The following LDAH variants were observed in gnomAD, a reference collection of about 807,000 sequenced individuals.
LDAH encodes the protein lipid droplet-associated hydrolase.
In LDAH, 26 loss-of-function variants were observed where a neutral mutation model predicts 29.6. The observed-to-expected ratio is 0.88, with a 90% CI of 0.64 to 1.22. LDAH has a LOEUF of 1.22. LDAH is among the 50% of genes most tolerant of loss of function. The probability of loss-of-function intolerance (pLI) is 0.00; values close to 1 mark genes in which losing one functional copy is unlikely to be tolerated. For synonymous variants in LDAH, 117 were observed against 133.0 expected, an observed-to-expected ratio of 0.88 and a Z score of 0.83; for missense variants, 344 against 387.3, an observed-to-expected ratio of 0.89 and a Z score of 0.94.
intron 1 of LDAH, among the ~76,000 whole-genome samples, chr2:20,811,571 GCC>G (rs1376144993): frequency 1.1e-4 from 17 of 151,182 alleles, no homozygotes; most frequent in Non-Finnish European, 1.5e-5. Context: ...AGCAAGCTCT[GCC>G]CCCGGGGTTC....
At chr2:20,711,380 G>A (rs1283936903) in intron 5 of LDAH, among the ~76,000 whole-genome samples, 5 of 147,614 alleles carry the variant, frequency 3.4e-5, no homozygotes, top group South Asian at 2.1e-4. Flanking sequence ...GCGAGAGTCC[G>A]TATCAAAAAA....
At chr2:20,710,996 T>C (rs558497336) in intron 5 of LDAH, among the ~76,000 whole-genome samples, 2 of 152,082 alleles carry the variant, frequency 1.3e-5, no homozygotes, top group African/African-American at 4.8e-5. Context: ...CTGAGTTTTC[T>C]CTGGTTGGTT....
At chr2:20,755,949 T>A (rs1327683748) in intron 4 of LDAH, among the ~76,000 whole-genome samples, 1 of 151,978 alleles carries the variant, frequency 6.6e-6, no homozygotes, top group Non-Finnish European at 1.5e-5. Context: ...TGGATACCTG[T>A]CCAAATTACC....
At chr2:20,777,570 C>T (rs778464275) in intron 3 of LDAH, among the ~76,000 whole-genome samples, 2 of 152,040 alleles carry the variant, frequency 1.3e-5, no homozygotes, top group Non-Finnish European at 2.9e-5. Context: ...AGGCGTGCAC[C>T]ACCAGGCCTG....
rs1662419039 is a variant in LDAH at position 20,684,454 on chromosome 2, G to A, written c.*2449C>T. On this transcript the variant is annotated 3_prime_UTR_variant, in exon 7 of 7. Coordinates refer to ENST00000237822, the MANE Select transcript of LDAH (RefSeq NM_021925.4). ...CGAGGTCTCGTTTTTTGCACGGGCT[G>A]GTCTCAAACTCCTAGCCTCAAACGA... is the stretch of plus-strand genomic sequence containing the variant. 1 of 154,986 alleles carries A rather than the reference G, an allele frequency of 6.5e-6. No individual in the cohort carries two copies. The highest frequency in any genetic ancestry group is 1.4e-5 in the Non-Finnish European group (1 of 70,180). 9.6% of individuals were successfully genotyped at this position (154,986 alleles called of 1,614,324 possible). A position where few individuals can be genotyped will look rare whatever the true frequency, so the allele number is the denominator to read the frequency against.
At chr2:20,804,146 T>C (rs769200101) in intron 1 of LDAH, among the ~76,000 whole-genome samples, 1 of 152,176 alleles carries the variant, frequency 6.6e-6, no homozygotes, top group Non-Finnish European at 1.5e-5. Context: ...TGTCATGTCA[T>C]GCCACACTTT....
chr2:20,788,555 G>C (rs1000583273), intron 3 of LDAH, among the ~76,000 whole-genome samples: 1 of 152,058 alleles, frequency 6.6e-6, no homozygotes, highest in South Asian at 2.1e-4. Flanking sequence ...TAATAACGAA[G>C]ACTATAGATG....
Position 20,684,826 on chromosome 2 carries a change from G to C in LDAH, c.*2077C>G, listed in dbSNP as rs10182643. On this transcript the variant is annotated 3_prime_UTR_variant, in exon 7 of 7. Transcript: ENST00000237822. ...TTGACTGGGACATACAGGCAGAGCT[G>C]CTTCTGGAAAATGGATTTCTTCCAC... 0.24 allele frequency: 371,024 copies of C among 1,527,994 alleles called. 49,116 individuals are homozygous for C. Among genetic ancestry groups the C allele is most frequent in the East Asian group, 0.5 (20,132 of 40,298 alleles). 94.7% of individuals were successfully genotyped at this position (1,527,994 alleles called of 1,614,324 possible). A position where few individuals can be genotyped will look rare whatever the true frequency, so the allele number is the denominator to read the frequency against.
intron 2 of LDAH, among the ~76,000 whole-genome samples, chr2:20,797,302 A>C (rs1671366422): frequency 6.6e-6 from 1 of 152,204 alleles, no homozygotes; most frequent in Admixed American, 6.5e-5. Context: ...CCAAACACTG[A>C]AACTACCACC....
chr2:20,790,515 G>A, intron 2 of LDAH, 117 bp from the exon 3 acceptor site: 2 of 789,954 alleles, frequency 2.5e-6, no homozygotes, highest in South Asian at 3.6e-5. Context: ...ATTCTTCAGA[G>A]TACCCAAGAG....
At chr2:20,745,530 T>C (rs111269016) in intron 4 of LDAH, among the ~76,000 whole-genome samples, 4,538 of 152,286 alleles carry the variant, frequency 0.03, 226 homozygotes, top group African/African-American at 0.1. Context: ...AGTGTTCTTA[T>C]CACAACAAAA....
intron 5 of LDAH, among the ~76,000 whole-genome samples, chr2:20,715,502 T>C (rs1157029543): frequency 6.6e-6 from 1 of 152,152 alleles, no homozygotes; most frequent in East Asian, 1.9e-4. Context: ...ACCACACCTA[T>C]TTAACATAGT....
rs1446061658 is a variant in LDAH at position 20,822,055 on chromosome 2, A to C, written c.-3+982T>G. Among the ~76,000 whole-genome samples the C allele has an allele frequency of 3.9e-5, 6 of 152,162 alleles. No individual in the cohort carries two copies. The East Asian group carries it at 1.2e-3, about 29-fold the overall frequency. ...AATAAACATTCTGGAGATGCTTCTA[A>C]ATCTTCTGGGTTTCTTTTGGTTGTA... On this transcript the variant is annotated intron_variant, in intron 1 of 6. Transcript: ENST00000237822.
chr2:20,796,766 G>A (rs969582955), intron 2 of LDAH, among the ~76,000 whole-genome samples: 5 of 152,124 alleles, frequency 3.3e-5, no homozygotes, highest in Non-Finnish European at 7.4e-5. Flanking sequence ...AAGTTCTCAA[G>A]CAATACTTCT....
At chr2:20,822,681 T>C (rs2125189802) in intron 1 of LDAH, among the ~76,000 whole-genome samples, 1 of 152,138 alleles carries the variant, frequency 6.6e-6, no homozygotes, top group South Asian at 2.1e-4. Flanking sequence ...CGGCCCAGAG[T>C]TTGACCCCTC....
At chr2:20,699,099 G>C (rs1428935616) in intron 6 of LDAH, among the ~76,000 whole-genome samples, 1 of 152,174 alleles carries the variant, frequency 6.6e-6, no homozygotes, top group Non-Finnish European at 1.5e-5. Context: ...ATGGCACAAA[G>C]ATATATTTTT....
chr2:20,708,102 T>A (rs1318448735), intron 5 of LDAH, among the ~76,000 whole-genome samples: 1 of 152,220 alleles, frequency 6.6e-6, no homozygotes, highest in Admixed American at 6.5e-5. Context: ...GTGAGTTGTA[T>A]AATTATTTCA....
chr2:20,796,875 A>G (rs1378495256), intron 2 of LDAH, among the ~76,000 whole-genome samples: 1 of 152,166 alleles, frequency 6.6e-6, no homozygotes, highest in Non-Finnish European at 1.5e-5. Flanking sequence ...AACAGAAAAA[A>G]CAGTAGTCAG....
chr2:20,738,517 T>C (rs1043539181), intron 5 of LDAH, among the ~76,000 whole-genome samples: 1 of 152,018 alleles, frequency 6.6e-6, no homozygotes, highest in East Asian at 1.9e-4. Flanking sequence ...CCCTGAATTC[T>C]TTCTTGCGCG....
Sources: allele counts gnomAD v4.1 joint callset (sites outside exome capture counted in the v4.1 genomes callset), GRCh38; gene constraint gnomAD v4.1.1; transcripts MANE v1.5; gene names NCBI Gene and HGNC (gene_info 2026-07-23, HGNC 2026-07-21).